RANBP17: variants seen among roughly 807,000 people sequenced by gnomAD.
RANBP17 encodes RAN binding protein 17.
In RANBP17, 158 loss-of-function variants were observed where a neutral mutation model predicts 141.2. The observed-to-expected ratio is 1.12, with a 90% CI of 0.98 to 1.28. The LOEUF is 1.28. Ranked by LOEUF, RANBP17 falls within the 50% of genes most tolerant of loss-of-function variation. RANBP17 has a pLI of 0.00. For missense variants in RANBP17, 1,438 were observed against 1,290.7 expected (o/e 1.11, Z -1.75); for synonymous variants, 430 against 450.0 (o/e 0.96, Z 0.56).
chr5:171,297,007 A>G (rs1768861671), intron 27 of RANBP17, among the ~76,000 whole-genome samples: 1 of 152,098 alleles, frequency 6.6e-6, no homozygotes, highest in Admixed American at 6.5e-5. Flanking sequence ...TAACTTCTCT[A>G]CTCCTCAGGT....
intron 14 of RANBP17, among the ~76,000 whole-genome samples, chr5:171,100,989 T>C (rs1420769955): frequency 6.6e-6 from 1 of 152,254 alleles, no homozygotes; most frequent in Admixed American, 6.5e-5. Flanking sequence ...TTCTGTTCTT[T>C]TGCATTTGCT....
chr5:171,023,848 AC>A (rs1371300983), intron 14 of RANBP17, among the ~76,000 whole-genome samples: 1 of 152,088 alleles, frequency 6.6e-6, no homozygotes, highest in Non-Finnish European at 1.5e-5. Flanking sequence ...TGGAATGCTC[AC>A]CTTATTTTCT....
chr5:171,274,858 A>G (rs1247840961), intron 25 of RANBP17, among the ~76,000 whole-genome samples: 3 of 152,250 alleles, frequency 2.0e-5, no homozygotes, highest in African/African-American at 7.2e-5. Flanking sequence ...ATCATAATAT[A>G]CTATAGAATA....
chr5:171,225,512 T>A (rs1237523793), intron 22 of RANBP17, among the ~76,000 whole-genome samples: 1 of 152,204 alleles, frequency 6.6e-6, no homozygotes, highest in Non-Finnish European at 1.5e-5. Flanking sequence ...GATCATGTAG[T>A]TGCCATTCAG....
intron 14 of RANBP17, among the ~76,000 whole-genome samples, chr5:171,035,970 T>C (rs1383134469): frequency 1.3e-5 from 2 of 152,050 alleles, no homozygotes. Context: ...CTCAGCTTAC[T>C]AAATCTCCAC....
At chr5:171,252,675 C>T (rs1765648091) in intron 24 of RANBP17, 1 of 1,442,920 alleles carries the variant, frequency 6.9e-7, no homozygotes, top group Non-Finnish European at 9.7e-7. Context: ...GTCTATTTAA[C>T]ACTTCAGGTG....
intron 16 of RANBP17, among the ~76,000 whole-genome samples, chr5:171,174,996 T>C (rs906772835): frequency 3.9e-5 from 6 of 152,072 alleles, no homozygotes; most frequent in Non-Finnish European, 8.8e-5. Context: ...TTCCCCTCCC[T>C]GTGTCCATGT....
chr5:171,167,808 G>C (rs764737401), intron 14 of RANBP17, among the ~76,000 whole-genome samples: 3 of 152,006 alleles, frequency 2.0e-5, no homozygotes, highest in African/African-American at 2.4e-5. Flanking sequence ...CTTGACAGGG[G>C]TGCCACTAAA....
intron 11 of RANBP17, among the ~76,000 whole-genome samples, chr5:170,919,999 T>C (rs918604834): frequency 1.3e-5 from 2 of 152,160 alleles, no homozygotes; most frequent in African/African-American, 2.4e-5. Context: ...GTTAGTACTT[T>C]ACTTTCATTG....
chr5:170,917,264 C>T (rs1210342774), intron 9 of RANBP17, among the ~76,000 whole-genome samples: 1 of 152,090 alleles, frequency 6.6e-6, no homozygotes, highest in African/African-American at 2.4e-5. Flanking sequence ...AATATTGGAG[C>T]AAGTGGCCTT....
chr5:171,271,269 G>A, intron 25 of RANBP17: 1 of 214,340 alleles, frequency 4.7e-6, no homozygotes, highest in East Asian at 6.8e-5. Context: ...TGCTCTTCAT[G>A]ACATGCATCC....
At chr5:171,283,010 C>A (rs72829430) in intron 25 of RANBP17, among the ~76,000 whole-genome samples, 19,884 of 152,018 alleles carry the variant, frequency 0.13, 1,508 homozygotes, top group East Asian at 0.2. Context: ...AGAACTGCTC[C>A]TCATTCCCCC....
intron 14 of RANBP17, among the ~76,000 whole-genome samples, chr5:171,137,571 GAT>G (rs1491458792): frequency 0.024 from 1,484 of 62,814 alleles, 17 homozygotes; most frequent in South Asian, 0.061. Context: ...GTTGACTTGA[GAT>G]GTGTGTGTGT....
At chr5:171,296,305 A>G (rs1768815688) in intron 27 of RANBP17, among the ~76,000 whole-genome samples, 1 of 152,246 alleles carries the variant, frequency 6.6e-6, no homozygotes, top group African/African-American at 2.4e-5. Flanking sequence ...TAATTGAAAG[A>G]TCAAAAGAAG....
chr5:170,942,413 T>C (rs1467472312), intron 12 of RANBP17, among the ~76,000 whole-genome samples: 1 of 152,118 alleles, frequency 6.6e-6, no homozygotes, highest in South Asian at 2.1e-4. Flanking sequence ...AATTATACAA[T>C]ATTATATAAA....
intron 25 of RANBP17, among the ~76,000 whole-genome samples, chr5:171,291,179 C>T (rs1005029422): frequency 5.9e-5 from 9 of 152,052 alleles, no homozygotes; most frequent in African/African-American, 1.2e-4. Context: ...GCAGCTGAGG[C>T]GGTGTGGGGC....
chr5:171,099,894 A>G (rs1787012300), intron 14 of RANBP17, among the ~76,000 whole-genome samples: 1 of 151,978 alleles, frequency 6.6e-6, no homozygotes, highest in South Asian at 2.1e-4. Context: ...TGTTTATGTG[A>G]TGGATTACGT....
In RANBP17 at chr5:171,054,598, T is replaced by C. The variant is rs1242818001; in HGVS notation, c.1710+86221T>C. Among the ~76,000 whole-genome samples, 8 of 152,152 alleles carry C rather than the reference T, an allele frequency of 5.3e-5. 1 individual carries two copies. Among genetic ancestry groups the C allele is most frequent in the Non-Finnish European group, 1.0e-4 (7 of 68,022 alleles). ...TTGGTTTTGGTGCATTTTGGCCAGCTTCTTTACCACATCCTTTTGTCAGCA... is the reference window on the plus strand; with the variant it reads ...TTGGTTTTGGTGCATTTTGGCCAGCCTCTTTACCACATCCTTTTGTCAGCA... On this transcript the variant is annotated intron_variant, in intron 14 of 27. Transcript: ENST00000523189.
chr5:171,224,271 T>C (rs1763756826), intron 22 of RANBP17, among the ~76,000 whole-genome samples: 1 of 152,254 alleles, frequency 6.6e-6, no homozygotes, highest in East Asian at 1.9e-4. Context: ...TATAAGAATC[T>C]CTTAGTAATC....
Sources: gnomAD v4.1 joint callset for allele counts (sites outside exome capture counted in the v4.1 genomes callset) on GRCh38, gnomAD v4.1.1 for gene constraint, MANE v1.5 for transcripts, NCBI Gene and HGNC (gene_info 2026-07-23, HGNC 2026-07-21) for gene names.